The following MALRD1 variants were observed in gnomAD, a reference collection of about 807,000 sequenced individuals.
MALRD1 encodes the protein MAM and LDL-receptor class A domain-containing protein 1.
MALRD1 carries 247 observed loss-of-function variants against 242.1 expected under a neutral mutation model. The observed-to-expected ratio is 1.02, with a 90% confidence interval of 0.92 to 1.13. MALRD1 has a LOEUF of 1.13. Among genes scored for constraint, MALRD1 ranks in the 50% most tolerant of loss-of-function variants. MALRD1 has a pLI of 0.00. For synonymous variants in MALRD1, 995 were observed against 866.6 expected, an observed-to-expected ratio of 1.15 and a Z score of -2.60; for missense variants, 2,989 against 2,533.1, an observed-to-expected ratio of 1.18 and a Z score of -3.86.
chr10:19,712,621 T>C (rs572997151), intron 38 of MALRD1, among the ~76,000 whole-genome samples: 11 of 152,306 alleles, frequency 7.2e-5, no homozygotes, highest in African/African-American at 1.4e-4. Flanking sequence ...AACTTCAACA[T>C]TGAATTAGTT....
chr10:19,470,866 A>G (rs1836455697), intron 29 of MALRD1, among the ~76,000 whole-genome samples: 1 of 151,642 alleles, frequency 6.6e-6, no homozygotes, highest in Non-Finnish European at 1.5e-5. Flanking sequence ...TTTTCTCCTA[A>G]TACTTTCTTG....
At chr10:19,074,693 A>G (rs1835263049) in intron 2 of MALRD1, among the ~76,000 whole-genome samples, 2 of 152,124 alleles carry the variant, frequency 1.3e-5, no homozygotes, top group South Asian at 4.1e-4. Flanking sequence ...ATGAGAGCTA[A>G]AAATGATACA....
At chr10:19,202,043 T>G (rs1836562369) in intron 14 of MALRD1, among the ~76,000 whole-genome samples, 1 of 152,128 alleles carries the variant, frequency 6.6e-6, no homozygotes. Context: ...CTCGATCTCT[T>G]GACCTTGTGA....
Position 19,615,881 on chromosome 10 carries a change from A to G in MALRD1, c.6095A>G (p.Asn2032Ser), listed in dbSNP as rs1480265294. ...GAATGTCCATTAAATTACTGCAGAA[A>G]TGGTGGGACTTGTGTAGTGGAGAAA... ...CSECPLNYCR[N>S]GGTCVVEKNG... Residue 2032 changes from asparagine to serine, a missense_variant, in exon 36 of 40, where the codon AAT (asparagine) becomes AGT (serine). Coordinates refer to ENST00000454679, the MANE Select transcript of MALRD1 (RefSeq NM_001142308.3). 3 of 1,532,032 alleles carry G rather than the reference A, an allele frequency of 2.0e-6. No individual in the cohort carries two copies. Among genetic ancestry groups the G allele is most frequent in the Admixed American group, 2.0e-5 (1 of 50,746 alleles). The allele number at this position is 1,532,032 out of a possible 1,614,324, so 94.9% of individuals were successfully genotyped here. A position where few individuals can be genotyped will look rare whatever the true frequency, so the allele number is the denominator to read the frequency against.
At chr10:19,330,058 A>G (rs981993718) in intron 23 of MALRD1, among the ~76,000 whole-genome samples, 2 of 152,120 alleles carry the variant, frequency 1.3e-5, no homozygotes, top group African/African-American at 2.4e-5. Flanking sequence ...ATATTTTTCC[A>G]TGGCTCAATT....
rs751953432 is a variant in MALRD1 at position 19,257,675 on chromosome 10, T to G, written c.2992-9T>G. ...TTTCTTATTTTTATTTTTTATTTTA[T>G]TTTTTTAGATATTGGTGGAGGCTTC... On this transcript the variant is annotated splice_polypyrimidine_tract_variant and intron_variant, in intron 18 of 39. Coordinates refer to ENST00000454679, the MANE Select transcript of MALRD1 (RefSeq NM_001142308.3). 1.3e-6 allele frequency: 2 copies of G among 1,508,832 alleles called. No individual in the cohort carries two copies. The highest frequency in any genetic ancestry group is 1.3e-5 in the South Asian group (1 of 78,382). The allele number at this position is 1,508,832 out of a possible 1,614,324, so 93.5% of individuals were successfully genotyped here. A position where few individuals can be genotyped will look rare whatever the true frequency, so the allele number is the denominator to read the frequency against.
chr10:19,378,262 T>G (rs1845692506), intron 26 of MALRD1, among the ~76,000 whole-genome samples: 1 of 152,140 alleles, frequency 6.6e-6, no homozygotes, highest in Non-Finnish European at 1.5e-5. Flanking sequence ...AAAGCATTAT[T>G]GAAAATAAAT....
intron 33 of MALRD1, among the ~76,000 whole-genome samples, chr10:19,568,167 A>C (rs1038803898): frequency 2.6e-5 from 4 of 152,172 alleles, no homozygotes; most frequent in African/African-American, 9.6e-5. Flanking sequence ...AAAAAGTTCT[A>C]TTCTAAACAC....
intron 22 of MALRD1, among the ~76,000 whole-genome samples, chr10:19,326,934 ATTTTG>A (rs1843159581): frequency 1.3e-5 from 2 of 152,068 alleles, no homozygotes; most frequent in Non-Finnish European, 2.9e-5. Flanking sequence ...TTCATGGCTC[ATTTTG>A]TATCATTCTA....
At chr10:19,181,942 G>C (rs1240741844) in intron 14 of MALRD1, among the ~76,000 whole-genome samples, 5 of 152,128 alleles carry the variant, frequency 3.3e-5, no homozygotes, top group Non-Finnish European at 7.4e-5. Flanking sequence ...AACTGGAATA[G>C]AGATGTAAAC....
chr10:19,369,787 G>T (rs866117919), intron 26 of MALRD1, among the ~76,000 whole-genome samples: 3 of 151,304 alleles, frequency 2.0e-5, no homozygotes, highest in Middle Eastern at 6.9e-3. Context: ...TTGAGTTATA[G>T]ATATTTTTTA....
intron 28 of MALRD1, among the ~76,000 whole-genome samples, chr10:19,418,122 G>A (rs1288473325): frequency 6.6e-6 from 1 of 151,870 alleles, no homozygotes; most frequent in East Asian, 1.9e-4. Context: ...AAAGCCTTAG[G>A]ATGAATGTAG....
intron 17 of MALRD1, among the ~76,000 whole-genome samples, chr10:19,205,623 T>C (rs975291064): frequency 6.6e-6 from 1 of 152,076 alleles, no homozygotes; most frequent in African/African-American, 2.4e-5. Flanking sequence ...AATAGTGGCA[T>C]TGGACTTTCT....
At chr10:19,248,391 G>GA (rs35675203) in intron 18 of MALRD1, among the ~76,000 whole-genome samples, 98 of 137,532 alleles carry the variant, frequency 7.1e-4, no homozygotes, top group East Asian at 2.7e-3. Flanking sequence ...AAGGTGCCAT[G>GA]AAAAAAAAAA....
intron 34 of MALRD1, among the ~76,000 whole-genome samples, chr10:19,601,199 A>G (rs1408909224): frequency 6.6e-6 from 1 of 152,094 alleles, no homozygotes; most frequent in African/African-American, 2.4e-5. Flanking sequence ...TATTTTATAG[A>G]TATTAAAATA....
chr10:19,355,843 T>TTTTATATATATATATATATATA, intron 26 of MALRD1, among the ~76,000 whole-genome samples: 1 of 29,222 alleles, frequency 3.4e-5, no homozygotes, highest in Non-Finnish European at 6.9e-5. Context: ...AGAACATATA[T>TTTTATATATATATATATATATA]TATATATATA....
chr10:19,619,112 T>C (rs1253577300), intron 36 of MALRD1, among the ~76,000 whole-genome samples: 1 of 152,094 alleles, frequency 6.6e-6, no homozygotes, highest in African/African-American at 2.4e-5. Context: ...ATTTCACGTG[T>C]TCTAAAAGAC....
intron 36 of MALRD1, among the ~76,000 whole-genome samples, chr10:19,621,753 C>T (rs1839412338): frequency 6.6e-6 from 1 of 151,608 alleles, no homozygotes; most frequent in Admixed American, 6.6e-5. Flanking sequence ...ATTTTTAACA[C>T]AAAACCAAAA....
At chr10:19,221,751 A>C (rs1235495274) in intron 18 of MALRD1, among the ~76,000 whole-genome samples, 1 of 152,158 alleles carries the variant, frequency 6.6e-6, no homozygotes, top group Non-Finnish European at 1.5e-5. Flanking sequence ...ACCCTCCAAA[A>C]TTACAGTAGA....
Sources: gnomAD v4.1 joint callset for allele counts (sites outside exome capture counted in the v4.1 genomes callset) on GRCh38, gnomAD v4.1.1 for gene constraint, MANE v1.5 for transcripts, NCBI Gene and HGNC (gene_info 2026-07-23, HGNC 2026-07-21) for gene names.